The following RBM26 variants were observed in gnomAD, a reference collection of about 807,000 sequenced individuals.
RBM26 encodes the protein RNA-binding protein 26.
RBM26 carries 30 observed loss-of-function variants against 123.6 expected under a neutral mutation model. The ratio of observed to expected loss-of-function variants is 0.24; its 90% CI spans 0.18 to 0.33. The LOEUF is 0.33. RBM26 is among the 10% of genes least tolerant of loss of function. RBM26 has a pLI of 1.00. For synonymous variants in RBM26, 400 were observed against 404.4 expected (o/e 0.99, Z 0.13); for missense variants, 947 against 1,203.6 (o/e 0.79, Z 3.15).
At chr13:79,333,322 C>T (rs2069733746) in intron 20 of RBM26, among the ~76,000 whole-genome samples, 1 of 151,470 alleles carries the variant, frequency 6.6e-6, no homozygotes, top group Non-Finnish European at 1.5e-5. Flanking sequence ...ATATACTACC[C>T]CCTACCTCTA....
chr13:79,375,901 C>T (rs2076632464), intron 3 of RBM26, among the ~76,000 whole-genome samples: 1 of 151,900 alleles, frequency 6.6e-6, no homozygotes, highest in African/African-American at 2.4e-5. Context: ...TCAAAAATGA[C>T]AGCAGCTACC....
intron 1 of RBM26, among the ~76,000 whole-genome samples, chr13:79,404,619 A>G (rs2079354888): frequency 6.6e-6 from 1 of 152,154 alleles, no homozygotes; most frequent in South Asian, 2.1e-4. Context: ...ACACACCACA[A>G]TCACTTCTGC....
intron 9 of RBM26, among the ~76,000 whole-genome samples, chr13:79,361,246 C>T (rs1241503008): frequency 6.6e-6 from 1 of 152,146 alleles, no homozygotes; most frequent in Non-Finnish European, 1.5e-5. Flanking sequence ...ATATGCCATA[C>T]ATACAGAGAC....
intron 3 of RBM26, among the ~76,000 whole-genome samples, chr13:79,373,423 A>C (rs1197513270): frequency 9.9e-5 from 1 of 10,142 alleles, no homozygotes; most frequent in African/African-American, 1.5e-3. Flanking sequence ...TATATAAATA[A>C]AATATAAATA....
At chr13:79,314,282 G>A (rs1385828708), downstream of RBM26, 1 of 151,568 alleles carries the variant, frequency 6.6e-6, no homozygotes, top group East Asian at 1.9e-4. Context: ...TCAAAAAAAT[G>A]TGAAAAAATT....
intron 1 of RBM26, among the ~76,000 whole-genome samples, chr13:79,404,700 C>T (rs373153937): frequency 2.7e-4 from 41 of 152,310 alleles, no homozygotes; most frequent in African/African-American, 9.4e-4. Context: ...CACATGGTCC[C>T]TTCTCTTTAG....
downstream of RBM26, chr13:79,314,985 C>T (rs1467442533): frequency 7.7e-7 from 1 of 1,300,874 alleles, no homozygotes; most frequent in East Asian, 5.6e-5. Flanking sequence ...CAATGATGAT[C>T]TCTCTCTGCT....
chr13:79,377,441 A>G lies in RBM26; in HGVS notation c.265T>C (p.Ser89Pro). The G allele has an allele frequency of 1.9e-6, 3 of 1,613,340 alleles. No homozygotes were observed. Among genetic ancestry groups the G allele is most frequent in the Non-Finnish European group, 1.7e-6 (2 of 1,179,282 alleles). The change falls in exon 3 of 22, where the codon TCA (serine) becomes CCA (proline). Residue 89 changes from serine (S) to proline (P), a missense_variant. Physicochemically the swap from Ser to Pro is moderately conservative, Grantham distance 74 (BLOSUM62 -1). Around this residue, in one of 5 missense-constraint regions of RBM26, gnomAD observed 275 missense variants for 361.0 expected, o/e 0.76. Coordinates refer to ENST00000438737, the MANE Select transcript of RBM26 (RefSeq NM_001366735.2). ...AATTCTACCTTCAGGCTTCCTGATG[A>G]TGGCTGCTCTGGAGGAGGTAGGTAA... The part of the protein sequence containing the change: ...KSYLPPPEQP[S>P]SGSLKVEFFP...
intron 9 of RBM26, among the ~76,000 whole-genome samples, chr13:79,363,825 T>C (rs1351513207): frequency 6.6e-6 from 1 of 152,146 alleles, no homozygotes; most frequent in Non-Finnish European, 1.5e-5. Context: ...GTAGCATGTA[T>C]TTACAGCTCC....
chr13:79,330,794 T>G lies in RBM26; in HGVS notation c.2820+3550A>C, dbSNP rs1031716918. Among the ~76,000 whole-genome samples the G allele has an allele frequency of 5.3e-5, 8 of 152,170 alleles. No individual in the cohort carries two copies. In the East Asian group the frequency reaches 1.5e-3, roughly 29 times the overall value. ...ATTTTTAGAAGTTACAAAGAAAGAC[T>G]TCCAATTCTTTAACTCTTGAGTTCA... On this transcript the variant is annotated intron_variant, in intron 20 of 21. Transcript: ENST00000438737.
chr13:79,366,901 T>A (rs749690762), intron 6 of RBM26, 29 bp from the exon 7 acceptor site: 2 of 1,519,950 alleles, frequency 1.3e-6, no homozygotes, highest in South Asian at 1.3e-5. Context: ...TAGAAACAAA[T>A]GTCAAAAGCA....
At chr13:79,343,091 A>T (rs9574410) in intron 16 of RBM26, among the ~76,000 whole-genome samples, 3 of 151,386 alleles carry the variant, frequency 2.0e-5, no homozygotes, top group Admixed American at 6.6e-5. Context: ...ATAAGTTTGA[A>T]GCACACAACC....
At chr13:79,373,331 A>T (rs1366873830) in intron 3 of RBM26, among the ~76,000 whole-genome samples, 5 of 106,394 alleles carry the variant, frequency 4.7e-5, no homozygotes, top group Non-Finnish European at 6.8e-5. Flanking sequence ...TATAAATATA[A>T]AATATATATT....
At chr13:79,387,292 T>TAAA (rs5805030) in intron 1 of RBM26, among the ~76,000 whole-genome samples, 6 of 150,534 alleles carry the variant, frequency 4.0e-5, no homozygotes, top group Admixed American at 6.6e-5. Context: ...TGAACTATGA[T>TAAA]AAAAAAAAAT....
chr13:79,326,068 TTA>T (rs1252969217), intron 20 of RBM26, among the ~76,000 whole-genome samples: 1 of 152,156 alleles, frequency 6.6e-6, no homozygotes, highest in Non-Finnish European at 1.5e-5. Flanking sequence ...GTTATATCAT[TTA>T]TGTTTGTGTA....
intron 3 of RBM26, among the ~76,000 whole-genome samples, chr13:79,372,366 TA>T (rs540250850): frequency 1.8e-4 from 28 of 152,240 alleles, no homozygotes; most frequent in Non-Finnish European, 3.8e-4. Context: ...TAACATTAAA[TA>T]AAATTTAATT....
At chr13:79,403,639 T>C (rs73566424) in intron 1 of RBM26, among the ~76,000 whole-genome samples, 8,626 of 152,236 alleles carry the variant, frequency 0.057, 474 homozygotes, top group African/African-American at 0.14. Flanking sequence ...AATTTTACAG[T>C]TGAGGAAATG....
intron 1 of RBM26, among the ~76,000 whole-genome samples, chr13:79,396,537 T>C (rs543320865): frequency 3.0e-4 from 45 of 152,052 alleles, no homozygotes; most frequent in African/African-American, 9.9e-4. Flanking sequence ...TTGTCAAGAG[T>C]GACACAAGAA....
At chr13:79,358,084 G>C (rs959846404) in intron 11 of RBM26, among the ~76,000 whole-genome samples, 190 bp downstream of exon 11, 21 of 152,018 alleles carry the variant, frequency 1.4e-4, no homozygotes, top group African/African-American at 3.6e-4. Flanking sequence ...GGTTTCACCA[G>C]GTTGGCCAGG....
Sources: gnomAD v4.1 joint callset for allele counts (sites outside exome capture counted in the v4.1 genomes callset) on GRCh38, gnomAD v4.1.1 for gene constraint, gnomAD v4.1.1 regional missense constraint, MANE v1.5 for transcripts, NCBI Gene and HGNC (gene_info 2026-07-23, HGNC 2026-07-21) for gene names.